KAZN: variants seen among roughly 807,000 people sequenced by gnomAD.
The protein encoded by KAZN is kazrin.
Under a neutral mutation model 87.4 loss-of-function variants are expected in KAZN, and 40 were observed. The observed-to-expected ratio is 0.46, with a 90% CI of 0.36 to 0.60. The LOEUF (loss-of-function observed/expected upper bound fraction) is 0.60, where lower values mean the gene tolerates loss of function less well. KAZN is among the 20% of genes least tolerant of loss of function. The pLI is 0.00. For missense variants in KAZN, 898 were observed against 1,073.9 expected (o/e 0.84, Z 2.29); for synonymous variants, 466 against 458.3 (o/e 1.02, Z -0.22).
chr1:13,919,770 C>T (rs986815155), intron 1 of KAZN, among the ~76,000 whole-genome samples: 3 of 152,088 alleles, frequency 2.0e-5, no homozygotes, highest in Non-Finnish European at 2.9e-5. Context: ...GCCTTTTCAC[C>T]CTCTGACATT....
intron 2 of KAZN, among the ~76,000 whole-genome samples, chr1:14,320,945 T>C (rs749768021): frequency 6.6e-6 from 1 of 152,194 alleles, no homozygotes; most frequent in Non-Finnish European, 1.5e-5. Flanking sequence ...AAGATACTAG[T>C]TTTTTAGTTA....
intron 2 of KAZN, among the ~76,000 whole-genome samples, chr1:14,212,605 T>C (rs57483818): frequency 0.017 from 2,605 of 152,234 alleles, 68 homozygotes; most frequent in African/African-American, 0.058. Context: ...TTGATCAATT[T>C]TGCAATATCC....
At chr1:14,485,718 C>T (rs1219944775) in intron 2 of KAZN, among the ~76,000 whole-genome samples, 3 of 151,904 alleles carry the variant, frequency 2.0e-5, no homozygotes, top group African/African-American at 7.3e-5. Flanking sequence ...CATGGTGAAA[C>T]CCTGTCTCCA....
chr1:15,011,470 G>A (rs7554543), intron 2 of KAZN, among the ~76,000 whole-genome samples: 30,175 of 152,032 alleles, frequency 0.2, 3,454 homozygotes, highest in African/African-American at 0.3. Flanking sequence ...AAATTTGGGA[G>A]AGGCCCTCTT....
intron 2 of KAZN, among the ~76,000 whole-genome samples, chr1:14,190,519 C>G (rs1443117605): frequency 6.6e-6 from 1 of 152,144 alleles, no homozygotes; most frequent in Non-Finnish European, 1.5e-5. Flanking sequence ...ACTTTGCAGC[C>G]TTTCTCTATA....
chr1:15,045,906 C>T lies in KAZN; in HGVS notation c.726+1747C>T, dbSNP rs528478440. On this transcript the variant is annotated intron_variant, in intron 4 of 14. Transcript: ENST00000376030. ...CCTCCACCTGGTCCTTCCCTTGACA[C>T]GTGGGGATTACAATTCGAGATGAGA... Among the ~76,000 whole-genome samples the T allele has an allele frequency of 1.7e-3, 261 of 152,284 alleles. 1 individual carries two copies. Among genetic ancestry groups the T allele is most frequent in the Middle Eastern group, 3.4e-3 (1 of 294 alleles).
In KAZN at chr1:15,094,101, C is replaced by T. The variant is rs1015925846; in HGVS notation, c.1223-79C>T. On this transcript the variant is annotated intron_variant, in intron 8 of 14. Transcript: ENST00000376030. The surrounding 1 kb of genome is among the most constrained non-coding windows in gnomAD (Gnocchi z 4.5). Reference sequence around the variant, plus strand: ...GGGAGGATGTCCCCACCACCCTCTGCCTCCCGGGGGTATGGCCTGCCCAGC... The same window carrying T: ...GGGAGGATGTCCCCACCACCCTCTGTCTCCCGGGGGTATGGCCTGCCCAGC... 10 of 1,323,916 alleles carry T rather than the reference C, an allele frequency of 7.6e-6. No homozygotes were observed. Among genetic ancestry groups the T allele is most frequent in the Non-Finnish European group, 1.1e-5 (10 of 947,948 alleles). The allele number at this position is 1,323,916 out of a possible 1,614,324, so 82.0% of individuals were successfully genotyped here.
rs1676705290 is a variant in KAZN at position 14,598,874 on chromosome 1, G to C, written c.-124G>C. The C allele has an allele frequency of 1.4e-6, 2 of 1,457,414 alleles. No individual in the cohort carries two copies. The highest frequency in any genetic ancestry group is 1.8e-6 in the Non-Finnish European group (2 of 1,113,258). 90.3% of individuals were successfully genotyped at this position (1,457,414 alleles called of 1,614,324 possible). A position where few individuals can be genotyped will look rare whatever the true frequency, so the allele number is the denominator to read the frequency against. ...CGGCGCTGCCGGTGCCTGGGGGTCG[G>C]GGCGCGGGCGAAGCCGGGCCGCGGA... is the stretch of plus-strand genomic sequence containing the variant. On this transcript the variant is annotated 5_prime_UTR_variant, in exon 1 of 15. Transcript: ENST00000376030. This position sits in a 1 kb window ranked among gnomAD's most constrained non-coding sequence, Gnocchi z 4.2.
Position 14,598,948 on chromosome 1 carries a change from A to G in KAZN, c.-50A>G, listed in dbSNP as rs1557826093. 3 of 1,557,462 alleles carry G rather than the reference A, an allele frequency of 1.9e-6. No individual in the cohort carries two copies. Among genetic ancestry groups the G allele is most frequent in the African/African-American group, 2.8e-5 (2 of 70,382 alleles). ...GTGCCCGGCCGCGCGCCCCCCGCGC[A>G]TCATGCAGCTCTTTGTCACCTCTCT... On this transcript the variant is annotated 5_prime_UTR_variant, in exon 1 of 15. Coordinates refer to ENST00000376030, the MANE Select transcript of KAZN (RefSeq NM_201628.3). The surrounding 1 kb of genome is among the most constrained non-coding windows in gnomAD (Gnocchi z 4.2).
At chr1:14,859,157 A>G (rs2101013349) in intron 1 of KAZN, among the ~76,000 whole-genome samples, 1 of 151,258 alleles carries the variant, frequency 6.6e-6, no homozygotes, top group South Asian at 2.1e-4. Flanking sequence ...CAGTGAGCCG[A>G]GATTGCGCCA....
chr1:14,001,191 A>G (rs1639777588), intron 1 of KAZN, among the ~76,000 whole-genome samples: 1 of 152,172 alleles, frequency 6.6e-6, no homozygotes, highest in South Asian at 2.1e-4. Context: ...CAAAAATCAC[A>G]AGCATTCCTT....
chr1:14,261,853 G>A (rs917919326), intron 2 of KAZN, among the ~76,000 whole-genome samples: 10 of 152,048 alleles, frequency 6.6e-5, no homozygotes, highest in African/African-American at 1.2e-4. Context: ...TGGGGAAATT[G>A]CAAGGGCTCC....
intron 1 of KAZN, among the ~76,000 whole-genome samples, chr1:14,076,268 G>A (rs1487319238): frequency 4.6e-5 from 7 of 151,988 alleles, no homozygotes; most frequent in Admixed American, 2.0e-4. Context: ...GTGACAGAGC[G>A]AGACTCCGTC....
chr1:15,046,297 C>CA (rs55932579), intron 4 of KAZN, among the ~76,000 whole-genome samples: 1,760 of 134,344 alleles, frequency 0.013, 87 homozygotes, highest in African/African-American at 0.047. Flanking sequence ...GACTCCGTCT[C>CA]AAAAAAAAAA....
chr1:14,057,376 T>A (rs4662100), intron 1 of KAZN, among the ~76,000 whole-genome samples: 143,303 of 152,198 alleles, frequency 0.94, 67,574 homozygotes, highest in African/African-American at 0.98. Flanking sequence ...CTCATAATCC[T>A]CCCTCCTCGG....
intron 1 of KAZN, among the ~76,000 whole-genome samples, chr1:14,044,736 G>A (rs1006688737): frequency 6.6e-6 from 1 of 152,166 alleles, no homozygotes; most frequent in Non-Finnish European, 1.5e-5. Flanking sequence ...TACAGCTAAG[G>A]CAATGTCATG....
chr1:14,874,331 G>C (rs1291208579), intron 1 of KAZN, among the ~76,000 whole-genome samples: 1 of 152,220 alleles, frequency 6.6e-6, no homozygotes, highest in Non-Finnish European at 1.5e-5. Flanking sequence ...GTGTCCGGAA[G>C]AGAGTGTTCA....
intron 2 of KAZN, among the ~76,000 whole-genome samples, chr1:15,003,614 C>A (rs1230088423): frequency 6.6e-6 from 1 of 152,138 alleles, no homozygotes; most frequent in African/African-American, 2.4e-5. Context: ...GGATAGCACC[C>A]CTGTGACTGT....
At chr1:14,812,523 TTG>T (rs1286894991) in intron 1 of KAZN, among the ~76,000 whole-genome samples, 1 of 152,166 alleles carries the variant, frequency 6.6e-6, no homozygotes, top group Non-Finnish European at 1.5e-5. Context: ...GAATTTTTTG[TTG>T]TGTTTTGAAA....
Sources: allele counts gnomAD v4.1 joint callset (sites outside exome capture counted in the v4.1 genomes callset), GRCh38; gene constraint gnomAD v4.1.1; non-coding constraint Gnocchi (gnomAD v3.1); transcripts MANE v1.5; gene names NCBI Gene and HGNC (gene_info 2026-07-23, HGNC 2026-07-21).